Variants in SV2C observed in about 807,000 individuals in gnomAD.
SV2C encodes solute carrier family 22 member B3.
SV2C carries 49 observed loss-of-function variants against 79.7 expected under a neutral mutation model. The ratio of observed to expected loss-of-function variants is 0.61; its 90% CI spans 0.49 to 0.78. The LOEUF (loss-of-function observed/expected upper bound fraction) is 0.78, where lower values mean the gene tolerates loss of function less well. Among genes scored for constraint, SV2C ranks in the 30% least tolerant of loss-of-function variants. The pLI, the probability that SV2C is intolerant of heterozygous loss-of-function variation, is 0.00. For synonymous variants in SV2C, 334 were observed against 333.2 expected, an observed-to-expected ratio of 1.00 and a Z score of -0.03; for missense variants, 833 against 912.9, an observed-to-expected ratio of 0.91 and a Z score of 1.13.
chr5:75,927,864 A>G, the SV2C span, among the ~76,000 whole-genome samples: 3 of 152,164 alleles, frequency 2.0e-5, no homozygotes, highest in African/African-American at 7.2e-5. Context: ...TTTCAAAAGA[A>G]AGGGTGAGAG....
chr5:75,869,865 C>T, the SV2C span, among the ~76,000 whole-genome samples: 1 of 152,174 alleles, frequency 6.6e-6, no homozygotes, highest in Non-Finnish European at 1.5e-5. Flanking sequence ...GAGTCTCTGC[C>T]TGGTAATCCA....
chr5:75,973,189 G>A, the SV2C span, among the ~76,000 whole-genome samples: 223 of 151,982 alleles, frequency 1.5e-3, 7 homozygotes, highest in East Asian at 0.041. Flanking sequence ...GGTGGGGAAG[G>A]GGGGAGGGAT....
At chr5:75,859,934 G>C in the SV2C span, among the ~76,000 whole-genome samples, 1 of 152,074 alleles carries the variant, frequency 6.6e-6, no homozygotes, top group Non-Finnish European at 1.5e-5. Flanking sequence ...TAAGAACAAA[G>C]AGCTTGTAAA....
At chr5:76,247,836 T>A (rs1310312872) in intron 4 of SV2C, among the ~76,000 whole-genome samples, 1 of 152,218 alleles carries the variant, frequency 6.6e-6, no homozygotes, top group Admixed American at 6.5e-5. Context: ...TGAGATTAAA[T>A]TTGACAATAT....
At chr5:75,868,805 A>G in the SV2C span, among the ~76,000 whole-genome samples, 1 of 152,152 alleles carries the variant, frequency 6.6e-6, no homozygotes, top group East Asian at 1.9e-4. Context: ...TCCCCTGCCC[A>G]CAATTCTTCC....
At chr5:76,013,518 G>T in the SV2C span, among the ~76,000 whole-genome samples, 3 of 152,206 alleles carry the variant, frequency 2.0e-5, no homozygotes, top group East Asian at 5.8e-4. Context: ...TGAGAAGATG[G>T]ACTTTTCTAA....
chr5:76,267,274 T>A (rs1193758647), intron 4 of SV2C, among the ~76,000 whole-genome samples: 1 of 152,172 alleles, frequency 6.6e-6, no homozygotes, highest in Non-Finnish European at 1.5e-5. Flanking sequence ...ACTTTACAGA[T>A]GTGTGGGTAC....
chr5:76,294,992 G>A (rs1747696971), intron 8 of SV2C, among the ~76,000 whole-genome samples: 2 of 152,170 alleles, frequency 1.3e-5, no homozygotes, highest in Non-Finnish European at 2.9e-5. Flanking sequence ...CACCGTGCTT[G>A]GATCCCAGGA....
chr5:75,852,879 A>T, the SV2C span, among the ~76,000 whole-genome samples: 1 of 151,828 alleles, frequency 6.6e-6, no homozygotes. Flanking sequence ...GCAGGTTTTC[A>T]GATGAAGAGC....
intron 4 of SV2C, among the ~76,000 whole-genome samples, chr5:76,232,467 C>T (rs867519266): frequency 0.011 from 1,634 of 145,158 alleles, 20 homozygotes; most frequent in African/African-American, 0.04. Context: ...TCAATTTTGG[C>T]TTTTGTTGCC....
the SV2C span, among the ~76,000 whole-genome samples, chr5:75,954,229 C>T: frequency 6.6e-6 from 1 of 151,872 alleles, no homozygotes; most frequent in African/African-American, 2.4e-5. Flanking sequence ...ATTAAAAGGA[C>T]TATGGAGTTG....
the SV2C span, chr5:75,910,854 T>C: frequency 5.1e-6 from 6 of 1,175,862 alleles, no homozygotes; most frequent in African/African-American, 4.5e-5. Flanking sequence ...ATGAGCAAGC[T>C]GAACTGCAAT....
At chr5:76,103,662 T>A (rs1747812101) in intron 1 of SV2C, among the ~76,000 whole-genome samples, 1 of 152,190 alleles carries the variant, frequency 6.6e-6, no homozygotes, top group South Asian at 2.1e-4. Flanking sequence ...ATAGCAAATA[T>A]TTATTGAATG....
At chr5:76,320,363 G>A (rs762799491) in intron 12 of SV2C, among the ~76,000 whole-genome samples, 1 of 152,046 alleles carries the variant, frequency 6.6e-6, no homozygotes, top group Non-Finnish European at 1.5e-5. Flanking sequence ...CTGTAATGAT[G>A]GATACATGTC....
chr5:76,216,081 C>G (rs1221442182), intron 4 of SV2C, among the ~76,000 whole-genome samples: 2 of 151,772 alleles, frequency 1.3e-5, no homozygotes, highest in African/African-American at 4.8e-5. Context: ...TTGGATTGCT[C>G]TAAGGGCTAG....
At chr5:76,291,739 G>T in intron 7 of SV2C, 29 bp from the exon 8 acceptor site, 1 of 1,550,588 alleles carries the variant, frequency 6.4e-7, no homozygotes, top group South Asian at 1.1e-5. Flanking sequence ...GTAACTGCAT[G>T]AGAAAACTAA....
the SV2C span, among the ~76,000 whole-genome samples, chr5:75,999,085 G>T: frequency 6.6e-6 from 1 of 151,964 alleles, no homozygotes; most frequent in Non-Finnish European, 1.5e-5. Flanking sequence ...GTGTGCAAGG[G>T]AACTCCTCTT....
intron 2 of SV2C, among the ~76,000 whole-genome samples, chr5:76,189,666 A>G (rs1744035678): frequency 6.6e-6 from 1 of 152,218 alleles, no homozygotes. Flanking sequence ...GGCTCTTCAA[A>G]CTGGAGTTCC....
the SV2C span, among the ~76,000 whole-genome samples, chr5:76,033,728 A>C: frequency 1.3e-5 from 2 of 152,096 alleles, no homozygotes; most frequent in Non-Finnish European, 2.9e-5. Context: ...CTTGGCAATG[A>C]GGGCTCTTTT....
Sources: allele counts gnomAD v4.1 joint callset (sites outside exome capture counted in the v4.1 genomes callset), GRCh38; gene constraint gnomAD v4.1.1; transcripts MANE v1.5; gene names NCBI Gene and HGNC (gene_info 2026-07-23, HGNC 2026-07-21).